The following APOBEC3F variants were observed in gnomAD, a reference collection of about 807,000 sequenced individuals.
APOBEC3F encodes DNA dC->dU-editing enzyme APOBEC-3F.
APOBEC3F carries 34 observed loss-of-function variants against 45.8 expected under a neutral mutation model. The observed-to-expected ratio is 0.74, with a 90% CI of 0.57 to 0.99. The LOEUF is 0.99. Among genes scored for constraint, APOBEC3F ranks in the 50% least tolerant of loss-of-function variants. The pLI is 0.00. For synonymous variants in APOBEC3F, 192 were observed against 174.4 expected (o/e 1.10, Z -0.80); for missense variants, 459 against 474.1 (o/e 0.97, Z 0.30).
At chr22:39,049,301 A>G in intron 4 of APOBEC3F, 124 bp from the exon 5 acceptor site, 1 of 1,205,838 alleles carries the variant, frequency 8.3e-7, no homozygotes, top group Non-Finnish European at 1.2e-6. Flanking sequence ...TCTCTCTCCC[A>G]GTCTTTCTGC....
In APOBEC3F at chr22:39,052,827, A is replaced by G. The variant is rs1027825783; in HGVS notation, c.*132A>G. 3 of 1,476,316 alleles carry G rather than the reference A, an allele frequency of 2.0e-6. No homozygotes were observed. The highest frequency in any genetic ancestry group is 2.8e-5 in the African/African-American group (2 of 70,604). The allele number at this position is 1,476,316 out of a possible 1,614,324, so 91.5% of individuals were successfully genotyped here. Reference sequence around the variant, plus strand: ...CCCCTCCTGGCCTCAGGGCCATTCCATAGTGCTCCCCTGCCTCACCACCTC... The same window carrying G: ...CCCCTCCTGGCCTCAGGGCCATTCCGTAGTGCTCCCCTGCCTCACCACCTC... On this transcript the variant is annotated 3_prime_UTR_variant, in exon 7 of 7. Coordinates refer to ENST00000308521, the MANE Select transcript of APOBEC3F (RefSeq NM_145298.6).
chr22:39,051,932 G>A (rs1406974794), intron 5 of APOBEC3F, 142 bp from the exon 6 acceptor site: 1 of 1,298,998 alleles, frequency 7.7e-7, no homozygotes, highest in African/African-American at 1.5e-5. Flanking sequence ...CCCAGCCTGG[G>A]CAACAGGAGA....
chr22:39,042,840 C>T, intron 1 of APOBEC3F, 97 bp from the exon 2 acceptor site: 2 of 1,541,146 alleles, frequency 1.3e-6, no homozygotes, highest in Non-Finnish European at 1.8e-6. Context: ...GTTGGGGAGG[C>T]CCAGAGCCAT....
chr22:39,049,400 T>C (rs1927373673), intron 4 of APOBEC3F, 25 bp from the exon 5 acceptor site: 2 of 1,612,228 alleles, frequency 1.2e-6, no homozygotes, highest in African/African-American at 1.3e-5. Flanking sequence ...GTCTCTGCAT[T>C]GGGGTTTCTC....
intron 2 of APOBEC3F, chr22:39,044,098 A>T: frequency 1.3e-6 from 2 of 1,552,128 alleles, no homozygotes; most frequent in Non-Finnish European, 1.7e-6. Flanking sequence ...CAGGTCTTTC[A>T]TCAGAGCCCC....
chr22:39,052,726 C>A lies in APOBEC3F; in HGVS notation c.*31C>A, dbSNP rs368978807. ...CTCCCCGGGCCTCATGGTCTGTCTC[C>A]TCTAGCCTCCTGCTCATGTTGTGCA... On this transcript the variant is annotated 3_prime_UTR_variant, in exon 7 of 7. Coordinates refer to ENST00000308521, the MANE Select transcript of APOBEC3F (RefSeq NM_145298.6). 25 of 1,595,412 alleles carry A rather than the reference C, an allele frequency of 1.6e-5. No individual in the cohort carries two copies. In the Admixed American group the frequency reaches 4.4e-4, roughly 28 times the overall value.
rs867655349 is a variant in APOBEC3F at position 39,054,728 on chromosome 22, A to G, written c.*2033A>G. On this transcript the variant is annotated 3_prime_UTR_variant, in exon 7 of 7. Transcript: ENST00000308521. Reference sequence around the variant, plus strand: ...AATTACAATTCTTTCTTTGCAAATGAAATGTGAAATTTAGAGGCCCTTCTC... The same window carrying G: ...AATTACAATTCTTTCTTTGCAAATGGAATGTGAAATTTAGAGGCCCTTCTC... Among the ~76,000 whole-genome samples the G allele has an allele frequency of 1.3e-5, 2 of 152,206 alleles. No homozygotes were observed. Among genetic ancestry groups the G allele is most frequent in the Admixed American group, 1.3e-4 (2 of 15,276 alleles).
chr22:39,047,488 G>C (rs1452703542), intron 4 of APOBEC3F, among the ~76,000 whole-genome samples: 3 of 152,164 alleles, frequency 2.0e-5, no homozygotes, highest in African/African-American at 4.8e-5. Context: ...GCCAGGGAGG[G>C]TGCACATGAA....
rs544844347 is a variant in APOBEC3F at position 39,045,444 on chromosome 22, G to T, written c.468G>T (p.Trp156Cys). 6.2e-7 allele frequency: 1 copy of T among 1,614,118 alleles called. No individual in the cohort carries two copies. The highest frequency in any genetic ancestry group is 1.7e-5 in the Admixed American group (1 of 60,016). ...TCGTCTCAGAATTTGCATACTGCTG[G>T]GAAAACTTTGTGTACAGTGAAGGTC... is the stretch of plus-strand genomic sequence containing the variant. ...IMDDEEFAYC[W>C]ENFVYSEGQP... is the part of the protein sequence containing the mutation. The change falls in exon 4 of 7, where the codon TGG becomes TGT. Residue 156 changes from tryptophan (W) to cysteine (C), a missense_variant. Transcript: ENST00000308521.
chr22:39,046,229 C>A (rs1927211922), intron 4 of APOBEC3F, among the ~76,000 whole-genome samples: 1 of 152,154 alleles, frequency 6.6e-6, no homozygotes, highest in Non-Finnish European at 1.5e-5. Flanking sequence ...GGATTAGGGC[C>A]CACCCTAAGG....
At position 39,055,231 on chromosome 22, in the gene APOBEC3F, C is replaced by T. The variant is rs1172723607; in HGVS notation, c.*2536C>T. On this transcript the variant is annotated 3_prime_UTR_variant, in exon 7 of 7. Transcript: ENST00000308521. Reference sequence around the variant, plus strand: ...GGGACTACAGGCGTGTGCCACCACGCCTGGCTAATTTTGTAGTTTTAGTAG... The same window carrying T: ...GGGACTACAGGCGTGTGCCACCACGTCTGGCTAATTTTGTAGTTTTAGTAG... 6.6e-6 allele frequency among the ~76,000 whole-genome samples: 1 copy of T among 151,952 alleles called. No homozygotes were observed. The highest frequency in any genetic ancestry group is 6.6e-5 in the Admixed American group (1 of 15,242).
Position 39,052,576 on chromosome 22 carries a change from G to A in APOBEC3F, c.1004-1G>A, listed in dbSNP as rs368674483. On this transcript the variant is annotated splice_acceptor_variant, in intron 6 of 6. Coordinates refer to ENST00000308521, the MANE Select transcript of APOBEC3F (RefSeq NM_145298.6). LOFTEE classifies it high-confidence loss of function. The stretch of plus-strand genomic sequence containing the variant: ...ACTGCTTTCTCCTTGTTTTTTCTCA[G>A]ATTTTAAATATTGTTGGGAAAACTT... 1.2e-6 allele frequency: 2 copies of A among 1,611,854 alleles called. No individual in the cohort carries two copies. Among genetic ancestry groups the A allele is most frequent in the Non-Finnish European group, 1.7e-6 (2 of 1,178,842 alleles).
At chr22:39,044,778 T>C (rs1372560701) in intron 2 of APOBEC3F, among the ~76,000 whole-genome samples, 163 bp from the exon 3 acceptor site, 1 of 152,010 alleles carries the variant, frequency 6.6e-6, no homozygotes, top group Admixed American at 6.6e-5. Context: ...ACGTGAGCTT[T>C]GGAGCAGACA....
chr22:39,044,639 C>T (rs984139498), intron 2 of APOBEC3F, among the ~76,000 whole-genome samples: 3 of 152,122 alleles, frequency 2.0e-5, no homozygotes, highest in Admixed American at 6.6e-5. Context: ...GGGCAAGAGA[C>T]AGAAAGAGGG....
intron 4 of APOBEC3F, among the ~76,000 whole-genome samples, chr22:39,047,313 C>T (rs1433079667): frequency 6.6e-6 from 1 of 152,134 alleles, no homozygotes; most frequent in Non-Finnish European, 1.5e-5. Flanking sequence ...ATCCAGGAGT[C>T]CCTCTGGAGG....
intron 4 of APOBEC3F, among the ~76,000 whole-genome samples, chr22:39,046,336 G>A (rs1340958976): frequency 1.3e-5 from 2 of 152,272 alleles, no homozygotes; most frequent in East Asian, 3.9e-4. Context: ...TATCAATGTG[G>A]GGAAGATACA....
rs765873540 is a variant in APOBEC3F, at chr22:39,044,183, A to C, written c.172-758A>C. On this transcript the variant is annotated intron_variant, in intron 2 of 6. Coordinates refer to ENST00000308521, the MANE Select transcript of APOBEC3F (RefSeq NM_145298.6). ...ACAGCGCAGGTCCAGTGGCCTCCCCAGCTGACCGCAGGCAGGGAACAAGGC... is the reference window on the plus strand; with the variant it reads ...ACAGCGCAGGTCCAGTGGCCTCCCCCGCTGACCGCAGGCAGGGAACAAGGC... 18 of 1,607,468 alleles carry C rather than the reference A, an allele frequency of 1.1e-5. No individual in the cohort carries two copies. The African/African-American group carries it at 2.1e-4, about 19-fold the overall frequency.
At chr22:39,043,701 T>A (rs1336580875) in intron 2 of APOBEC3F, among the ~76,000 whole-genome samples, 1 of 152,082 alleles carries the variant, frequency 6.6e-6, no homozygotes, top group Admixed American at 6.5e-5. Context: ...AGTTTCTTTT[T>A]GTCACACTGA....
chr22:39,042,310 CT>C (rs759396493), intron 1 of APOBEC3F, among the ~76,000 whole-genome samples: 242 of 94,388 alleles, frequency 2.6e-3, no homozygotes, highest in Admixed American at 4.1e-3. Flanking sequence ...TTCTCTCTCT[CT>C]TTTTTTTTTT....
Sources: gnomAD v4.1 joint callset for allele counts (sites outside exome capture counted in the v4.1 genomes callset) on GRCh38, gnomAD v4.1.1 for gene constraint, MANE v1.5 for transcripts, NCBI Gene and HGNC (gene_info 2026-07-23, HGNC 2026-07-21) for gene names.